Variants in INPP4B observed in about 807,000 individuals in gnomAD.
INPP4B encodes inositol polyphosphate-4-phosphatase type II B.
A neutral mutation model predicts 122.5 loss-of-function variants in INPP4B; 55 were observed. That is an observed-to-expected ratio of 0.45 (90% CI 0.36 to 0.56). INPP4B has a LOEUF of 0.56. Ranked by LOEUF, INPP4B falls within the 20% of genes least tolerant of loss-of-function variation. The probability of loss-of-function intolerance (pLI) is 0.00; values close to 1 mark genes in which losing one functional copy is unlikely to be tolerated. For missense variants in INPP4B, 1,000 were observed against 1,097.7 expected, an observed-to-expected ratio of 0.91 and a Z score of 1.26; for synonymous variants, 403 against 388.7, an observed-to-expected ratio of 1.04 and a Z score of -0.43.
intron 2 of INPP4B, among the ~76,000 whole-genome samples, chr4:142,630,243 T>C (rs745865007): frequency 2.0e-5 from 3 of 152,142 alleles, no homozygotes; most frequent in Non-Finnish European, 4.4e-5. Context: ...ATTCCTGTTA[T>C]AGTTCTTTCT....
chr4:142,413,299 T>G (rs892664757), intron 5 of INPP4B, among the ~76,000 whole-genome samples: 2 of 152,150 alleles, frequency 1.3e-5, no homozygotes, highest in Admixed American at 6.5e-5. Flanking sequence ...GTACTAATTT[T>G]AGGTTTCTAA....
intron 2 of INPP4B, among the ~76,000 whole-genome samples, chr4:142,703,648 T>C (rs962049094): frequency 6.6e-6 from 1 of 152,196 alleles, no homozygotes; most frequent in Non-Finnish European, 1.5e-5. Flanking sequence ...TACTACAGCA[T>C]GTCTCATCGT....
Position 142,453,978 on chromosome 4 carries a change from C to T in INPP4B, c.-127+8685G>A, listed in dbSNP as rs189524517. ...GATTTAACAAATGCCTTGTGAAACA[C>T]GGGTTAATTCTCTGTGATGAACTGG... On this transcript the variant is annotated intron_variant, in intron 3 of 25. Coordinates refer to ENST00000262992, the MANE Select transcript of INPP4B (RefSeq NM_001101669.3). 2.7e-4 allele frequency among the ~76,000 whole-genome samples: 41 copies of T among 152,042 alleles called. No homozygotes were observed. The East Asian group carries it at 2.9e-3, about 11-fold the overall frequency.
chr4:142,629,641 G>A (rs951359312), intron 2 of INPP4B, among the ~76,000 whole-genome samples: 3 of 151,984 alleles, frequency 2.0e-5, no homozygotes, highest in Admixed American at 6.6e-5. Flanking sequence ...ACAATATAGA[G>A]CCATGAAAAA....
At chr4:142,686,992 A>G (rs1179912750) in intron 2 of INPP4B, among the ~76,000 whole-genome samples, 1 of 152,084 alleles carries the variant, frequency 6.6e-6, no homozygotes, top group Non-Finnish European at 1.5e-5. Flanking sequence ...TCTTTTTGGT[A>G]TATGGGAAAC....
intron 1 of INPP4B, among the ~76,000 whole-genome samples, chr4:142,743,434 C>A (rs1264721642): frequency 1.3e-5 from 2 of 151,978 alleles, no homozygotes; most frequent in South Asian, 2.1e-4. Context: ...CCTGTGAATT[C>A]TTGGCCAAGG....
intron 7 of INPP4B, among the ~76,000 whole-genome samples, chr4:142,381,443 T>C (rs1298742314): frequency 6.6e-6 from 1 of 152,128 alleles, no homozygotes; most frequent in East Asian, 1.9e-4. Context: ...CTTTCTGAAA[T>C]CCGAACTCTC....
intron 15 of INPP4B, among the ~76,000 whole-genome samples, chr4:142,191,790 C>A (rs1835939638): frequency 6.6e-6 from 1 of 151,404 alleles, no homozygotes; most frequent in Non-Finnish European, 1.5e-5. Flanking sequence ...CTTTCCCCAC[C>A]AAAAAGCAAA....
chr4:142,702,932 T>C (rs1255410730), intron 2 of INPP4B, among the ~76,000 whole-genome samples: 4 of 152,188 alleles, frequency 2.6e-5, no homozygotes, highest in Non-Finnish European at 5.9e-5. Flanking sequence ...TCTATCATGT[T>C]GAAGAAAAAC....
intron 25 of INPP4B, among the ~76,000 whole-genome samples, chr4:142,064,931 T>A (rs1166959891): frequency 1.3e-5 from 2 of 152,170 alleles, no homozygotes; most frequent in African/African-American, 2.4e-5. Context: ...CAGACATCAT[T>A]TTGAAAACAC....
chr4:142,083,867 A>G (rs1334156507), intron 24 of INPP4B, among the ~76,000 whole-genome samples: 3 of 152,144 alleles, frequency 2.0e-5, no homozygotes, highest in South Asian at 2.1e-4. Context: ...ATGAGATATG[A>G]TTTTCAAATT....
chr4:142,376,679 A>C (rs1791979200), intron 7 of INPP4B, among the ~76,000 whole-genome samples: 1 of 151,986 alleles, frequency 6.6e-6, no homozygotes, highest in Non-Finnish European at 1.5e-5. Flanking sequence ...AGTGGAAATC[A>C]TCACCCAACT....
chr4:142,283,337 A>T (rs1280401499), intron 9 of INPP4B, among the ~76,000 whole-genome samples: 1 of 152,110 alleles, frequency 6.6e-6, no homozygotes, highest in Non-Finnish European at 1.5e-5. Flanking sequence ...TTTAAATTTG[A>T]GACACTTATT....
At chr4:142,059,772 T>C (rs533481213) in intron 25 of INPP4B, among the ~76,000 whole-genome samples, 49 of 152,248 alleles carry the variant, frequency 3.2e-4, no homozygotes, top group Non-Finnish European at 5.1e-4. Flanking sequence ...GAGACATGGC[T>C]CCATTCTACC....
intron 7 of INPP4B, among the ~76,000 whole-genome samples, chr4:142,325,025 T>C (rs1451088082): frequency 6.6e-6 from 1 of 152,208 alleles, no homozygotes; most frequent in Non-Finnish European, 1.5e-5. Context: ...ACAAAAATCA[T>C]GGCTCCCGAT....
chr4:142,500,148 A>G (rs1485152162), intron 2 of INPP4B, among the ~76,000 whole-genome samples: 14 of 152,192 alleles, frequency 9.2e-5, no homozygotes, highest in Non-Finnish European at 1.9e-4. Context: ...TTTTCTCTCT[A>G]GAGGGAAGAG....
In INPP4B at chr4:142,798,846, T is replaced by TTGTGTGTGTG. The variant is rs70949190; in HGVS notation, c.-254+47353_-254+47362dup. 1.1e-4 allele frequency among the ~76,000 whole-genome samples: 17 copies of TTGTGTGTGTG among 149,188 alleles called. No individual in the cohort carries two copies. In the South Asian group the frequency reaches 3.6e-3, roughly 32 times the overall value. Reference sequence around the variant, plus strand: ...ACAATGTGTATGTATGTGTATATGTTTGTGTGTGTGTGTGTGTGTGTGTAT... The same window carrying TTGTGTGTGTG: ...ACAATGTGTATGTATGTGTATATGTTTGTGTGTGTGTGTGTGTGTGTGTGTGTGTGTGTAT... On this transcript the variant is annotated intron_variant, in intron 1 of 25. Coordinates refer to ENST00000262992, the MANE Select transcript of INPP4B (RefSeq NM_001101669.3).
intron 3 of INPP4B, among the ~76,000 whole-genome samples, chr4:142,450,320 T>C (rs936594809): frequency 1.3e-5 from 2 of 152,150 alleles, no homozygotes; most frequent in African/African-American, 2.4e-5. Context: ...ACTGTCTTAA[T>C]GTCATCAAAG....
intron 2 of INPP4B, among the ~76,000 whole-genome samples, chr4:142,532,999 T>C (rs1827798924): frequency 1.3e-5 from 2 of 152,272 alleles, no homozygotes; most frequent in Middle Eastern, 3.4e-3. Flanking sequence ...GAGATTCAGA[T>C]GCCACTAATG....
Sources: gnomAD v4.1 joint callset for allele counts (sites outside exome capture counted in the v4.1 genomes callset) on GRCh38, gnomAD v4.1.1 for gene constraint, MANE v1.5 for transcripts, NCBI Gene and HGNC (gene_info 2026-07-23, HGNC 2026-07-21) for gene names.